Variants in MYO5A observed in about 807,000 individuals in gnomAD.
MYO5A encodes the protein unconventional myosin-Va.
MYO5A carries 98 observed loss-of-function variants against 249.7 expected under a neutral mutation model. The ratio of observed to expected loss-of-function variants is 0.39; its 90% CI spans 0.33 to 0.46. MYO5A has a LOEUF of 0.46. Among genes scored for constraint, MYO5A ranks in the 20% least tolerant of loss-of-function variants. MYO5A has a pLI of 0.98. For synonymous variants in MYO5A, 778 were observed against 810.6 expected, an observed-to-expected ratio of 0.96 and a Z score of 0.68; for missense variants, 1,696 against 2,308.8, an observed-to-expected ratio of 0.73 and a Z score of 5.44.
At chr15:52,386,001 T>C (rs1474148940) in intron 14 of MYO5A, among the ~76,000 whole-genome samples, 1 of 152,136 alleles carries the variant, frequency 6.6e-6, no homozygotes, top group Non-Finnish European at 1.5e-5. Context: ...AGAATAAAGA[T>C]AACTGATCAA....
intron 1 of MYO5A, among the ~76,000 whole-genome samples, chr15:52,471,452 A>G (rs573877521): frequency 6.6e-6 from 1 of 152,086 alleles, no homozygotes; most frequent in Non-Finnish European, 1.5e-5. Flanking sequence ...GAAAAAAGAA[A>G]AAGAAAAAGG....
intron 1 of MYO5A, among the ~76,000 whole-genome samples, chr15:52,477,284 G>C (rs1784705066): frequency 6.6e-6 from 1 of 152,156 alleles, no homozygotes; most frequent in African/African-American, 2.4e-5. Flanking sequence ...ACTCTAGTTA[G>C]CCATTCGTCC....
chr15:52,367,154 T>C (rs763089766), intron 22 of MYO5A, 30 bp from the exon 23 acceptor site: 2 of 1,581,442 alleles, frequency 1.3e-6, no homozygotes, highest in South Asian at 1.1e-5. Context: ...ACTGAGATGG[T>C]TGCAATGGAC....
intron 35 of MYO5A, among the ~76,000 whole-genome samples, chr15:52,328,659 G>T (rs554733823): frequency 6.6e-6 from 1 of 152,080 alleles, no homozygotes; most frequent in Non-Finnish European, 1.5e-5. Context: ...CCATTCTTTC[G>T]GAAAATGTTG....
intron 1 of MYO5A, among the ~76,000 whole-genome samples, chr15:52,445,221 G>A (rs1370865839): frequency 3.3e-5 from 5 of 152,046 alleles, no homozygotes; most frequent in African/African-American, 1.2e-4. Context: ...GTGAGTTCTC[G>A]TGAGATCTGG....
At chr15:52,375,545 G>C in intron 19 of MYO5A, 85 bp from the exon 20 acceptor site, 3 of 1,400,846 alleles carry the variant, frequency 2.1e-6, no homozygotes, top group Middle Eastern at 2.2e-4. Flanking sequence ...GAGTGTCACT[G>C]TTTTAGGCAT....
rs184471829 is a variant in MYO5A at position 52,313,027 on chromosome 15, A to G, written c.*669T>C. 2 of 152,982 alleles carry G rather than the reference A, an allele frequency of 1.3e-5. No homozygotes were observed. The highest frequency in any genetic ancestry group is 1.5e-5 in the Non-Finnish European group (1 of 68,232). 9.5% of individuals were successfully genotyped at this position (152,982 alleles called of 1,614,324 possible). A position where few individuals can be genotyped will look rare whatever the true frequency, so the allele number is the denominator to read the frequency against. ...CAAGAGAAACTTATTGTAGTGCCTA[A>G]TATCACTTACATTTTAAGAAGACAG... On this transcript the variant is annotated 3_prime_UTR_variant, in exon 42 of 42. Transcript: ENST00000399233.
At position 52,351,487 on chromosome 15, in the gene MYO5A, T is replaced by A. The variant is rs145867391; in HGVS notation, c.3622-6A>T. 92 of 1,613,220 alleles carry A rather than the reference T, an allele frequency of 5.7e-5. 1 individual carries two copies. In the African/African-American group the frequency reaches 1.0e-3, roughly 18 times the overall value. On this transcript the variant is annotated splice_region_variant and splice_polypyrimidine_tract_variant and intron_variant, in intron 27 of 41. Transcript: ENST00000399233. Reference sequence around the variant, plus strand: ...TCTGATTCTAGTTCTTGACGCTGTATGAAAAGACAAAGAAAAGTTCATTGC... The same window carrying A: ...TCTGATTCTAGTTCTTGACGCTGTAAGAAAAGACAAAGAAAAGTTCATTGC...
chr15:52,513,509 C>T (rs1356497145), intron 1 of MYO5A, among the ~76,000 whole-genome samples: 2 of 150,254 alleles, frequency 1.3e-5, no homozygotes, highest in Admixed American at 1.3e-4. Flanking sequence ...ACTGCAACCT[C>T]TACCTCCTGG....
chr15:52,361,934 T>C (rs2040550152), intron 24 of MYO5A, among the ~76,000 whole-genome samples: 1 of 152,206 alleles, frequency 6.6e-6, no homozygotes, highest in African/African-American at 2.4e-5. Flanking sequence ...AACGACCCCA[T>C]GATTGACATG....
chr15:52,494,423 T>C (rs148453104), intron 1 of MYO5A, among the ~76,000 whole-genome samples: 2 of 152,320 alleles, frequency 1.3e-5, no homozygotes, highest in African/African-American at 4.8e-5. Flanking sequence ...ACAAATATAC[T>C]ATAGTATTTA....
At chr15:52,487,326 G>A (rs757803098) in intron 1 of MYO5A, among the ~76,000 whole-genome samples, 2 of 151,994 alleles carry the variant, frequency 1.3e-5, no homozygotes, top group African/African-American at 4.8e-5. Flanking sequence ...TGAGGTGGGA[G>A]GATTGCTTGA....
At chr15:52,508,854 T>C (rs949474053) in intron 1 of MYO5A, among the ~76,000 whole-genome samples, 1 of 152,320 alleles carries the variant, frequency 6.6e-6, no homozygotes, top group African/African-American at 2.4e-5. Flanking sequence ...TTTTCAACAA[T>C]ACAATGAAAT....
At chr15:52,409,910 C>G (rs1030767722) in intron 6 of MYO5A, among the ~76,000 whole-genome samples, 2 of 151,958 alleles carry the variant, frequency 1.3e-5, no homozygotes, top group Non-Finnish European at 1.5e-5. Flanking sequence ...ACTATTCTAT[C>G]TAAACAATAA....
rs149488455 is a variant in MYO5A at position 52,506,118 on chromosome 15, G to A, written c.27+22662C>T. 4.7e-4 allele frequency among the ~76,000 whole-genome samples: 72 copies of A among 152,206 alleles called. 1 individual carries two copies. In the East Asian group the frequency reaches 7.2e-3, roughly 15 times the overall value. Reference sequence around the variant, plus strand: ...TGTAATCCCAGCACTTTAGGAGGCCGAGGCAGGCAGATCACGAGGTCAGGA... The same window carrying A: ...TGTAATCCCAGCACTTTAGGAGGCCAAGGCAGGCAGATCACGAGGTCAGGA... On this transcript the variant is annotated intron_variant, in intron 1 of 41. Transcript: ENST00000399233.
chr15:52,331,807 A>G, intron 34 of MYO5A: 1 of 985,430 alleles, frequency 1.0e-6, no homozygotes, highest in Non-Finnish European at 1.2e-6. Flanking sequence ...GTTTAGGTGA[A>G]GTCACCACCA....
chr15:52,373,828 G>A (rs1230572029), intron 20 of MYO5A, among the ~76,000 whole-genome samples: 1 of 152,106 alleles, frequency 6.6e-6, no homozygotes, highest in East Asian at 1.9e-4. Context: ...GAAAGAGCAT[G>A]AGACTACATA....
chr15:52,410,211 G>T, intron 6 of MYO5A, 122 bp downstream of exon 6: 2 of 1,171,552 alleles, frequency 1.7e-6, no homozygotes, highest in Non-Finnish European at 2.5e-6. Context: ...AAGTGTGGTT[G>T]GAGGTAATAT....
chr15:52,378,596 G>T (rs540423666), intron 18 of MYO5A, among the ~76,000 whole-genome samples: 1 of 131,258 alleles, frequency 7.6e-6, no homozygotes, highest in African/African-American at 2.7e-5. Context: ...TGCTGAGGAA[G>T]TGGCCTTAGC....
Sources: allele counts gnomAD v4.1 joint callset (sites outside exome capture counted in the v4.1 genomes callset), GRCh38; gene constraint gnomAD v4.1.1; transcripts MANE v1.5; gene names NCBI Gene and HGNC (gene_info 2026-07-23, HGNC 2026-07-21).